The following XPO5 variants were observed in gnomAD, a reference collection of about 807,000 sequenced individuals.
XPO5 encodes the protein exportin 5.
In XPO5, 46 loss-of-function variants were observed where a neutral mutation model predicts 160.6. The observed-to-expected ratio is 0.29, with a 90% CI of 0.23 to 0.37. The LOEUF is 0.37. Among genes scored for constraint, XPO5 ranks in the 10% least tolerant of loss-of-function variants. XPO5 has a pLI of 1.00. For synonymous variants in XPO5, 537 were observed against 519.3 expected (o/e 1.03, Z -0.46); for missense variants, 1,090 against 1,463.9 (o/e 0.74, Z 4.17).
At chr6:43,539,679 C>G (rs1040570037) in intron 20 of XPO5, 4 of 926,264 alleles carry the variant, frequency 4.3e-6, no homozygotes, top group Non-Finnish European at 6.5e-6. Context: ...CCAGGCCCCC[C>G]CACTGCACCG....
intron 1 of XPO5, among the ~76,000 whole-genome samples, chr6:43,574,269 C>T (rs972464945): frequency 2.0e-5 from 3 of 152,060 alleles, no homozygotes; most frequent in African/African-American, 7.2e-5. Context: ...CACCACTGCA[C>T]GCCAGCCTGG....
At chr6:43,559,410 C>G (rs1436025229) in intron 11 of XPO5, among the ~76,000 whole-genome samples, 2 of 152,244 alleles carry the variant, frequency 1.3e-5, no homozygotes, top group African/African-American at 4.8e-5. Context: ...GATTAACAAT[C>G]TGTCAACTGC....
chr6:43,550,032 C>A (rs73426772), intron 15 of XPO5, 98 bp from the exon 16 acceptor site: 32 of 1,263,894 alleles, frequency 2.5e-5, no homozygotes, highest in Non-Finnish European at 3.5e-5. Flanking sequence ...CTGGGCTCAA[C>A]TGATTCTCCT....
intron 9 of XPO5, 30 bp downstream of exon 9, chr6:43,562,217 A>G: frequency 6.4e-7 from 1 of 1,566,610 alleles, no homozygotes; most frequent in Non-Finnish European, 8.7e-7. Flanking sequence ...AATGGGCTTG[A>G]AGCTCTCCAG....
intron 14 of XPO5, 59 bp from the exon 15 acceptor site, chr6:43,551,512 T>C: frequency 6.3e-7 from 1 of 1,585,868 alleles, no homozygotes; most frequent in East Asian, 2.2e-5. Flanking sequence ...AATAACCATT[T>C]TGGCTACATT....
At chr6:43,535,533 AGTTTGTTCT>A (rs1794261611) in intron 20 of XPO5, among the ~76,000 whole-genome samples, 1 of 152,112 alleles carries the variant, frequency 6.6e-6, no homozygotes, top group Admixed American at 6.6e-5. Flanking sequence ...AAGCCTCCAT[AGTTTGTTCT>A]GTTTGTTCTT....
chr6:43,525,364 C>G, intron 28 of XPO5, 150 bp from the exon 29 acceptor site: 1 of 710,342 alleles, frequency 1.4e-6, no homozygotes, highest in Non-Finnish European at 2.3e-6. Context: ...TCCTGAACTC[C>G]TGGGCTCAAG....
At chr6:43,531,430 C>A in intron 22 of XPO5, 49 bp downstream of exon 22, 2 of 1,542,272 alleles carry the variant, frequency 1.3e-6, no homozygotes, top group Non-Finnish European at 1.8e-6. Flanking sequence ...CATTCCTATA[C>A]AATACATATC....
At chr6:43,568,341 C>T (rs1209374671) in intron 6 of XPO5, among the ~76,000 whole-genome samples, 3 of 151,904 alleles carry the variant, frequency 2.0e-5, no homozygotes, top group South Asian at 4.2e-4. Flanking sequence ...AAAAAACAAA[C>T]GACAGATGCA....
intron 28 of XPO5, 101 bp downstream of exon 28, chr6:43,525,738 G>T: frequency 1.6e-6 from 2 of 1,227,922 alleles, no homozygotes; most frequent in Non-Finnish European, 2.3e-6. Context: ...TAACAAAGGA[G>T]TATTACAAAA....
chr6:43,575,930 C>A lies in XPO5; in HGVS notation c.-66G>T. 6.6e-7 allele frequency: 1 copy of A among 1,506,776 alleles called. No homozygotes were observed. Among genetic ancestry groups the A allele is most frequent in the Non-Finnish European group, 9.1e-7 (1 of 1,097,318 alleles). 93.3% of individuals were successfully genotyped at this position (1,506,776 alleles called of 1,614,324 possible). Reference sequence around the variant, plus strand: ...CGGGACCACGAGGCACGACAGCTCCCTCGGCGAGACCACCCGTTGGTACCG... The same window carrying A: ...CGGGACCACGAGGCACGACAGCTCCATCGGCGAGACCACCCGTTGGTACCG... On this transcript the variant is annotated 5_prime_UTR_variant, in exon 1 of 32. The change creates a new upstream start codon in the 5' untranslated region. Transcript: ENST00000265351.
chr6:43,549,115 G>A (rs947771012), intron 17 of XPO5, among the ~76,000 whole-genome samples: 1 of 152,128 alleles, frequency 6.6e-6, no homozygotes, highest in Non-Finnish European at 1.5e-5. Context: ...CCAGGCTGGA[G>A]CAATGGCGTG....
At chr6:43,524,072 C>T (rs1391657370) in intron 31 of XPO5, 67 bp from the exon 32 acceptor site, 5 of 1,569,834 alleles carry the variant, frequency 3.2e-6, no homozygotes, top group South Asian at 1.1e-5. Flanking sequence ...TTCTCTTGGC[C>T]CGGCGCAGTG....
At chr6:43,530,867 C>T in intron 22 of XPO5, 43 bp from the exon 23 acceptor site, 6 of 1,589,078 alleles carry the variant, frequency 3.8e-6, no homozygotes, top group Non-Finnish European at 5.1e-6. Flanking sequence ...ACAAATCCAA[C>T]ATCTGTTACT....
intron 15 of XPO5, 179 bp downstream of exon 15, chr6:43,551,119 G>T: frequency 4.0e-6 from 2 of 499,022 alleles, no homozygotes; most frequent in Non-Finnish European, 6.6e-6. Flanking sequence ...GGCCAGGCAT[G>T]GTTGTGCATG....
intron 27 of XPO5, 189 bp downstream of exon 27, chr6:43,526,495 GA>G: frequency 1.6e-6 from 1 of 618,258 alleles, no homozygotes; most frequent in Non-Finnish European, 2.9e-6. Flanking sequence ...TGAGACAGAG[GA>G]AACAGCAAGT....
intron 7 of XPO5, among the ~76,000 whole-genome samples, chr6:43,566,860 C>A (rs1269293819): frequency 6.7e-6 from 1 of 149,676 alleles, no homozygotes; most frequent in East Asian, 1.9e-4. Context: ...CTGTAGCCAC[C>A]ATCCAAGATT....
At chr6:43,529,140 C>A in intron 23 of XPO5, 1 of 1,275,730 alleles carries the variant, frequency 7.8e-7, no homozygotes. Context: ...AGCTGCATTT[C>A]CGTCAGGCTG....
At chr6:43,549,955 A>C (rs962830551) in intron 15 of XPO5, 21 bp from the exon 16 acceptor site, 5 of 1,610,622 alleles carry the variant, frequency 3.1e-6, no homozygotes, top group Non-Finnish European at 4.2e-6. Flanking sequence ...GGAGGAAAAA[A>C]GGTCACTCAT....
Sources: allele counts gnomAD v4.1 joint callset (sites outside exome capture counted in the v4.1 genomes callset), GRCh38; gene constraint gnomAD v4.1.1; transcripts MANE v1.5; gene names NCBI Gene and HGNC (gene_info 2026-07-23, HGNC 2026-07-21).